LRRC20: variants seen among roughly 807,000 people sequenced by gnomAD.
The protein encoded by LRRC20 is leucine rich repeat containing 20.
Under a neutral mutation model 14.4 loss-of-function variants are expected in LRRC20, and 11 were observed. The ratio of observed to expected loss-of-function variants is 0.77; its 90% CI spans 0.48 to 1.27. The LOEUF (loss-of-function observed/expected upper bound fraction) is 1.27, where lower values mean the gene tolerates loss of function less well. Ranked by LOEUF, LRRC20 falls within the 50% of genes most tolerant of loss-of-function variation. The probability of loss-of-function intolerance (pLI) is 0.00; values close to 1 mark genes in which losing one functional copy is unlikely to be tolerated. For synonymous variants in LRRC20, 121 were observed against 107.3 expected (o/e 1.13, Z -0.79); for missense variants, 219 against 251.2 (o/e 0.87, Z 0.87).
At chr10:70,324,556 G>A (rs1324890396) in intron 3 of LRRC20, among the ~76,000 whole-genome samples, 1 of 152,238 alleles carries the variant, frequency 6.6e-6, no homozygotes, top group Admixed American at 6.5e-5. Flanking sequence ...TTCCTGCTCC[G>A]AGAGCAGCTG....
At chr10:70,356,677 C>T (rs770387641) in intron 2 of LRRC20, among the ~76,000 whole-genome samples, 3 of 151,964 alleles carry the variant, frequency 2.0e-5, no homozygotes, top group African/African-American at 7.3e-5. Flanking sequence ...ATGGTGAAAC[C>T]CCGTCTCTAC....
At chr10:70,371,295 A>G (rs1431682154) in intron 2 of LRRC20, among the ~76,000 whole-genome samples, 1 of 151,876 alleles carries the variant, frequency 6.6e-6, no homozygotes, top group Non-Finnish European at 1.5e-5. Context: ...GTGCCACTGC[A>G]CCTGGCTAAT....
intron 1 of LRRC20, chr10:70,381,774 G>A (rs2137200123): frequency 6.6e-6 from 1 of 152,398 alleles, no homozygotes; most frequent in South Asian, 2.1e-4. Context: ...GAACGAAGTT[G>A]ACCCACTTCC....
At position 70,323,819 on chromosome 10, in the gene LRRC20, G is replaced by T. The variant is rs189547601; in HGVS notation, c.400+44C>A. 3.3e-5 allele frequency: 53 copies of T among 1,607,040 alleles called. No homozygotes were observed. The Admixed American group carries it at 8.2e-4, about 25-fold the overall frequency. On this transcript the variant is annotated intron_variant, in intron 4 of 4. Coordinates refer to ENST00000446961, the MANE Select transcript of LRRC20 (RefSeq NM_001278212.2). ...CTCCAGAGTCCTGTGGCCCATGAGC[G>T]CCTCGTGCAGCAGCCCAGGGCCAGG...
intron 2 of LRRC20, among the ~76,000 whole-genome samples, chr10:70,352,838 G>C (rs552106797): frequency 1.8e-3 from 271 of 152,116 alleles, no homozygotes; most frequent in African/African-American, 6.3e-3. Context: ...TTACATTGTT[G>C]TGCAATCAAC....
intron 2 of LRRC20, among the ~76,000 whole-genome samples, chr10:70,354,441 G>C (rs1843448222): frequency 6.6e-6 from 1 of 152,140 alleles, no homozygotes; most frequent in African/African-American, 2.4e-5. Flanking sequence ...GGTTCTCCAA[G>C]GGCATCAGCA....
intron 2 of LRRC20, among the ~76,000 whole-genome samples, chr10:70,346,558 G>A (rs574412697): frequency 6.6e-6 from 1 of 152,284 alleles, no homozygotes; most frequent in African/African-American, 2.4e-5. Context: ...CAACCCAGGT[G>A]TGTTGATTGT....
At chr10:70,337,324 G>A (rs764778524) in intron 3 of LRRC20, among the ~76,000 whole-genome samples, 1 of 152,198 alleles carries the variant, frequency 6.6e-6, no homozygotes, top group African/African-American at 2.4e-5. Context: ...CATCTCTCAG[G>A]GTAGGGGGAG....
In LRRC20 at chr10:70,378,026, T is replaced by C. The variant is rs1031506211; in HGVS notation, c.-63-1430A>G. Among the ~76,000 whole-genome samples, 19 of 107,168 alleles carry C rather than the reference T, an allele frequency of 1.8e-4. No homozygotes were observed. In the Admixed American group the frequency reaches 1.8e-3, roughly 10 times the overall value. The allele number at this position is 107,168 out of a possible 152,430, so 70.3% of individuals were successfully genotyped here. ...ATAGGAGATCTAGTAATACCCAACT[T>C]GCTAGGTTAATATGAGGATTGAGAG... On this transcript the variant is annotated intron_variant, in intron 1 of 4. Transcript: ENST00000446961.
In LRRC20 at chr10:70,300,589, C is replaced by T. The variant is rs187077636; in HGVS notation, c.*765G>A. Reference sequence around the variant, plus strand: ...CTGCTGTTCTCTGGGCCACCTCTCCCGCAGCTCAGGAGTGATGCTAGAGGG... The same window carrying T: ...CTGCTGTTCTCTGGGCCACCTCTCCTGCAGCTCAGGAGTGATGCTAGAGGG... On this transcript the variant is annotated 3_prime_UTR_variant, in exon 5 of 5. Coordinates refer to ENST00000446961, the MANE Select transcript of LRRC20 (RefSeq NM_001278212.2). 1,052 of 985,550 alleles carry T rather than the reference C, an allele frequency of 1.1e-3. 29 individuals carry two copies. The South Asian group carries it at 0.038, about 36-fold the overall frequency. The allele number at this position is 985,550 out of a possible 1,614,324, so 61.1% of individuals were successfully genotyped here.
chr10:70,361,890 A>G (rs1843735560), intron 2 of LRRC20, among the ~76,000 whole-genome samples: 1 of 152,220 alleles, frequency 6.6e-6, no homozygotes, highest in Non-Finnish European at 1.5e-5. Context: ...GCCAGTTAAA[A>G]AGATCTTAAA....
intron 3 of LRRC20, among the ~76,000 whole-genome samples, chr10:70,330,444 G>C (rs1842495693): frequency 6.6e-6 from 1 of 151,340 alleles, no homozygotes; most frequent in Non-Finnish European, 1.5e-5. Context: ...CCAAACCATG[G>C]AGCTGCTTCT....
chr10:70,375,645 C>T (rs901131509), intron 2 of LRRC20, among the ~76,000 whole-genome samples: 4 of 152,232 alleles, frequency 2.6e-5, no homozygotes, highest in Non-Finnish European at 5.9e-5. Context: ...TTCTGCCTGC[C>T]TATCTGCAAG....
At chr10:70,306,102 G>GTC (rs55733521) in intron 4 of LRRC20, among the ~76,000 whole-genome samples, 64,015 of 144,250 alleles carry the variant, frequency 0.44, 15,037 homozygotes, top group Middle Eastern at 0.58. Flanking sequence ...TGCATTTTCT[G>GTC]TCTCTCTCTC....
intron 2 of LRRC20, among the ~76,000 whole-genome samples, chr10:70,367,598 C>G (rs1382413572): frequency 6.6e-6 from 1 of 152,078 alleles, no homozygotes; most frequent in African/African-American, 2.4e-5. Context: ...AAGCCAGGCT[C>G]AAGAGCTTAT....
intron 2 of LRRC20, among the ~76,000 whole-genome samples, chr10:70,372,786 C>A (rs554662208): frequency 6.6e-6 from 1 of 151,968 alleles, no homozygotes; most frequent in South Asian, 2.1e-4. Context: ...AAATATTACG[C>A]TCCATTGTTG....
chr10:70,353,568 C>T (rs944288725), intron 2 of LRRC20, among the ~76,000 whole-genome samples: 3 of 152,122 alleles, frequency 2.0e-5, no homozygotes, highest in East Asian at 3.9e-4. Context: ...CAGGCATGCA[C>T]CACCACGCCC....
chr10:70,323,780 C>T, intron 4 of LRRC20, 83 bp downstream of exon 4: 2 of 1,473,300 alleles, frequency 1.4e-6, no homozygotes, highest in East Asian at 2.3e-5. Flanking sequence ...TCTCCTCCCA[C>T]CTGTGAAGGT....
intron 4 of LRRC20, among the ~76,000 whole-genome samples, chr10:70,306,149 C>CAT: frequency 6.6e-6 from 1 of 152,042 alleles, no homozygotes; most frequent in East Asian, 1.9e-4. Context: ...CACACACACA[C>CAT]GCTTTTTTTC....
Sources: allele counts gnomAD v4.1 joint callset (sites outside exome capture counted in the v4.1 genomes callset), GRCh38; gene constraint gnomAD v4.1.1; transcripts MANE v1.5; gene names NCBI Gene and HGNC (gene_info 2026-07-23, HGNC 2026-07-21).